CD24: variants seen among roughly 807,000 people sequenced by gnomAD.
CD24 encodes the protein CD24 molecule, also known as signal transducer CD24.
Under a neutral mutation model 3.6 loss-of-function variants are expected in CD24, and 2 were observed. The ratio of observed to expected loss-of-function variants is 0.56; its 90% CI spans 0.23 to 1.77. CD24 has a LOEUF of 1.77. Ranked by LOEUF, CD24 falls within the 40% of genes most tolerant of loss-of-function variation. The pLI, the probability that CD24 is intolerant of heterozygous loss-of-function variation, is 0.18. For synonymous variants in CD24, 33 were observed against 44.9 expected, an observed-to-expected ratio of 0.74 and a Z score of 1.06; for missense variants, 62 against 93.6, an observed-to-expected ratio of 0.66 and a Z score of 1.39.
rs1248714989 is a variant in CD24 at position 106,973,199 on chromosome 6, ATCTGAGGATC to A, written c.69+1369_70-1366del. 5.5e-4 allele frequency among the ~76,000 whole-genome samples: 84 copies of A among 152,320 alleles called. No individual in the cohort carries two copies. In the Middle Eastern group the frequency reaches 0.017, roughly 31 times the overall value. Reference sequence around the variant, plus strand: ...TTTCTTTTTAAAACCTGGTGTATCAATCTGAGGATCTAAAGATCCTCTACACCAACAAAAA... The same window carrying A: ...TTTCTTTTTAAAACCTGGTGTATCAATAAAGATCCTCTACACCAACAAAAA... On this transcript the variant is annotated intron_variant, in intron 1 of 1. Transcript: ENST00000606017.
intron 1 of CD24, chr6:106,973,979 G>A (rs1773038915): frequency 5.0e-6 from 2 of 398,236 alleles, no homozygotes. Flanking sequence ...CGCAGAGAGC[G>A]CAGCGTCAGG....
intron 1 of CD24, among the ~76,000 whole-genome samples, chr6:106,972,172 G>C (rs1190736392): frequency 6.6e-6 from 1 of 152,198 alleles, no homozygotes; most frequent in Non-Finnish European, 1.5e-5. Context: ...TAATGGCATT[G>C]CAATAAGGTC....
At chr6:106,972,036 C>T (rs1248816630) in intron 1 of CD24, among the ~76,000 whole-genome samples, 5 of 152,114 alleles carry the variant, frequency 3.3e-5, no homozygotes, top group Non-Finnish European at 2.9e-5. Context: ...CCTAGAGATG[C>T]CTCAAAAATG....
At chr6:106,971,938 T>G in intron 1 of CD24, 104 bp from the exon 2 acceptor site, 1 of 766,254 alleles carries the variant, frequency 1.3e-6, no homozygotes, top group Non-Finnish European at 2.1e-6. Flanking sequence ...GATTGCTCTC[T>G]TACCATTGTT....
rs2114897794 is a variant in CD24, at chr6:106,971,687, G to A, written c.217C>T (p.Leu73Phe). The change falls in exon 2 of 2, where the codon CTC (leucine) becomes TTC (phenylalanine). Residue 73 changes from leucine (L) to phenylalanine (F), a missense_variant. Leu to Phe is a conservative substitution (Grantham distance 22, BLOSUM62 0). Coordinates refer to ENST00000606017, the MANE Select transcript of CD24 (RefSeq NM_001359084.1). Reference protein sequence around the residue: ...QSTASLFVVSLSLLHLYS With the variant: ...QSTASLFVVSFSLLHLYS ...TAAGAGTAGAGATGCAGAAGAGAGA[G>A]TGAGACCACGAAGAGACTGGCTGTT... is the stretch of plus-strand genomic sequence containing the variant. 4 of 1,547,222 alleles carry A rather than the reference G, an allele frequency of 2.6e-6. No homozygotes were observed. The East Asian group carries it at 9.8e-5, about 38-fold the overall frequency.
chr6:106,974,774 ACAATAGCCGTGACGTGGCGCCG>A (rs1773065277), upstream of CD24: 4 of 970,336 alleles, frequency 4.1e-6, no homozygotes, highest in Non-Finnish European at 5.8e-6. Flanking sequence ...CAGGAAAGCC[ACAATAGCCGTGACGTGGCGCCG>A]CCCGCCCACC....
intron 1 of CD24, among the ~76,000 whole-genome samples, chr6:106,974,356 G>A (rs903082364): frequency 7.2e-5 from 11 of 152,206 alleles, no homozygotes; most frequent in African/African-American, 2.7e-4. Flanking sequence ...ACGCGGAGCT[G>A]CATTGTTCCC....
chr6:106,970,555 T>C lies in CD24; in HGVS notation c.*1106A>G, dbSNP rs1192210471. ...GGCTGGGCGCGGGGGCTCAAGCCTGTAATCCCAGCACTTTGGGAGGCCGAG... is the reference window on the plus strand; with the variant it reads ...GGCTGGGCGCGGGGGCTCAAGCCTGCAATCCCAGCACTTTGGGAGGCCGAG... On this transcript the variant is annotated 3_prime_UTR_variant, in exon 2 of 2. Coordinates refer to ENST00000606017, the MANE Select transcript of CD24 (RefSeq NM_001359084.1). 1.3e-5 allele frequency: 2 copies of C among 152,310 alleles called. No individual in the cohort carries two copies. Among genetic ancestry groups the C allele is most frequent in the African/African-American group, 4.8e-5 (2 of 41,472 alleles). 9.4% of individuals were successfully genotyped at this position (152,310 alleles called of 1,614,324 possible).
upstream of CD24, among the ~76,000 whole-genome samples, chr6:106,976,451 C>A (rs956367576): frequency 4.4e-4 from 67 of 152,264 alleles, no homozygotes; most frequent in African/African-American, 1.6e-3. Context: ...GTCACTTTAG[C>A]TCAGTAACTT....
chr6:106,973,375 G>A (rs1284163313), intron 1 of CD24: 3 of 330,598 alleles, frequency 9.1e-6, no homozygotes, highest in African/African-American at 2.1e-5. Context: ...GGAGGGGGCC[G>A]GTTTCTCGCA....
chr6:106,972,972 G>T (rs1321256273), intron 1 of CD24, among the ~76,000 whole-genome samples: 1 of 152,120 alleles, frequency 6.6e-6, no homozygotes, highest in African/African-American at 2.4e-5. Context: ...AAAAAATCTT[G>T]ATCAAGTCAA....
chr6:106,973,424 G>T, intron 1 of CD24: 1 of 379,718 alleles, frequency 2.6e-6, no homozygotes, highest in Non-Finnish European at 4.7e-6. Context: ...AGGAAGGCTC[G>T]GGAGCGCAGC....
At chr6:106,975,846 G>A (rs1773100684), upstream of CD24, among the ~76,000 whole-genome samples, 1 of 152,186 alleles carries the variant, frequency 6.6e-6, no homozygotes, top group South Asian at 2.1e-4. Context: ...GGTCTCTGTT[G>A]CCCGTCATTC....
In CD24 at chr6:106,970,270, A is replaced by C. The variant is rs1772937127; in HGVS notation, c.*1391T>G. The C allele has an allele frequency of 7.2e-5, 11 of 152,718 alleles. 2 individuals carry two copies. Among genetic ancestry groups the C allele is most frequent in the African/African-American group, 2.6e-4 (11 of 41,568 alleles). The allele number at this position is 152,718 out of a possible 1,614,324, so 9.5% of individuals were successfully genotyped here. A position where few individuals can be genotyped will look rare whatever the true frequency, so the allele number is the denominator to read the frequency against. On this transcript the variant is annotated 3_prime_UTR_variant, in exon 2 of 2. Transcript: ENST00000606017. ...TCTAAAAATATTGACTGATAACAAA[A>C]AGTGTTCTAAATGTGGCTATTCTGA... is the stretch of plus-strand genomic sequence containing the variant.
upstream of CD24, chr6:106,975,348 G>A (rs989921243): frequency 5.9e-5 from 9 of 151,954 alleles, no homozygotes; most frequent in Admixed American, 2.6e-4. Context: ...GGCGTGGCGC[G>A]GACGCGGGCC....
rs1367567838 is a variant in CD24, at chr6:106,971,545, G to A, written c.*116C>T. The A allele has an allele frequency of 5.8e-6, 4 of 694,796 alleles. No individual in the cohort carries two copies. The highest frequency in any genetic ancestry group is 9.8e-6 in the Non-Finnish European group (4 of 407,786). The allele number at this position is 694,796 out of a possible 1,614,324, so 43.0% of individuals were successfully genotyped here. ...ATTTTCTGTGTCAATAAAAGGTGTG[G>A]AATTAGTAGATTCGATGAAGACCTG... On this transcript the variant is annotated 3_prime_UTR_variant, in exon 2 of 2. Coordinates refer to ENST00000606017, the MANE Select transcript of CD24 (RefSeq NM_001359084.1).
chr6:106,975,791 C>G (rs1165603473), upstream of CD24, among the ~76,000 whole-genome samples: 1 of 152,266 alleles, frequency 6.6e-6, no homozygotes, highest in Non-Finnish European at 1.5e-5. Context: ...GGCGGTCCCA[C>G]TACAATTCAC....
chr6:106,970,168 T>G lies in CD24; in HGVS notation c.*1493A>C, dbSNP rs1216124315. 5 of 152,440 alleles carry G rather than the reference T, an allele frequency of 3.3e-5. No individual in the cohort carries two copies. Among genetic ancestry groups the G allele is most frequent in the Non-Finnish European group, 7.3e-5 (5 of 68,042 alleles). The allele number at this position is 152,440 out of a possible 1,614,324, so 9.4% of individuals were successfully genotyped here. On this transcript the variant is annotated 3_prime_UTR_variant, in exon 2 of 2. Transcript: ENST00000606017. ...GGGAGTGTCTATTTTTAAAAAGGTT[T>G]ATGTGTGTCGAGGCAGTTGTAAAAG...
chr6:106,971,593 T>G lies in CD24; in HGVS notation c.*68A>C. The G allele has an allele frequency of 2.9e-6, 4 of 1,373,870 alleles. No individual in the cohort carries two copies. The highest frequency in any genetic ancestry group is 4.0e-6 in the Non-Finnish European group (4 of 1,004,686). The allele number at this position is 1,373,870 out of a possible 1,614,324, so 85.1% of individuals were successfully genotyped here. On this transcript the variant is annotated 3_prime_UTR_variant, in exon 2 of 2. Transcript: ENST00000606017. ...CTGTTTTTCCTTGCCACATTGGACT[T>G]CCAGACGCCATTTGGATTGGGTTTA...
Sources: gnomAD v4.1 joint callset for allele counts (sites outside exome capture counted in the v4.1 genomes callset) on GRCh38, gnomAD v4.1.1 for gene constraint, MANE v1.5 for transcripts, NCBI Gene and HGNC (gene_info 2026-07-23, HGNC 2026-07-21) for gene names.